The following LINGO1 variants were observed in gnomAD, a reference collection of about 807,000 sequenced individuals.
The protein encoded by LINGO1 is leucine rich repeat and Ig domain containing 1.
A neutral mutation model predicts 37.3 loss-of-function variants in LINGO1; 11 were observed. That is an observed-to-expected ratio of 0.29 (90% CI 0.19 to 0.49). The LOEUF (loss-of-function observed/expected upper bound fraction) is 0.49, where lower values mean the gene tolerates loss of function less well. LINGO1 is among the 20% of genes least tolerant of loss of function. The pLI is 0.99. For synonymous variants in LINGO1, 387 were observed against 403.0 expected, an observed-to-expected ratio of 0.96 and a Z score of 0.48; for missense variants, 585 against 878.2, an observed-to-expected ratio of 0.67 and a Z score of 4.22.
intron 1 of LINGO1, among the ~76,000 whole-genome samples, chr15:77,778,809 A>G (rs2076686861): frequency 6.6e-6 from 1 of 152,118 alleles, no homozygotes; most frequent in African/African-American, 2.4e-5. Context: ...CAGCCAGAGG[A>G]ATCCTTAAAA....
chr15:77,815,524 C>G (rs1195011671), intron 1 of LINGO1, among the ~76,000 whole-genome samples: 2 of 152,218 alleles, frequency 1.3e-5, no homozygotes. Flanking sequence ...CGGAGACAAA[C>G]AAATGTGTTC....
intron 1 of LINGO1, among the ~76,000 whole-genome samples, chr15:77,621,485 G>T (rs147273182): frequency 1.3e-5 from 2 of 152,210 alleles, no homozygotes; most frequent in Non-Finnish European, 2.9e-5. Flanking sequence ...AAAGCCAGAG[G>T]GGGGCAGAGC....
At chr15:77,653,521 T>C (rs2074805671) in intron 3 of LINGO1, among the ~76,000 whole-genome samples, 2 of 152,216 alleles carry the variant, frequency 1.3e-5, no homozygotes, top group African/African-American at 4.8e-5. Context: ...TGTAATTTGA[T>C]CTGGATCTTA....
intron 2 of LINGO1, among the ~76,000 whole-genome samples, chr15:77,705,205 A>ACACACACACACACACACC (rs1555532644): frequency 2.0e-4 from 29 of 145,428 alleles, no homozygotes; most frequent in Admixed American, 6.8e-4. Context: ...ACACACACAC[A>ACACACACACACACACACC]CCAGTCCACT....
chr15:77,764,449 A>G (rs1157826682), intron 1 of LINGO1, among the ~76,000 whole-genome samples: 1 of 152,234 alleles, frequency 6.6e-6, no homozygotes, highest in Non-Finnish European at 1.5e-5. Context: ...GCTGACAAAA[A>G]AACTGTTTCC....
intron 1 of LINGO1, among the ~76,000 whole-genome samples, chr15:77,624,581 TA>T (rs1297745313): frequency 6.6e-6 from 1 of 152,202 alleles, no homozygotes; most frequent in Non-Finnish European, 1.5e-5. Flanking sequence ...TCTTAGTGTT[TA>T]AAGGCTTCTA....
intron 1 of LINGO1, among the ~76,000 whole-genome samples, chr15:77,745,959 G>A (rs926863793): frequency 3.3e-5 from 5 of 151,934 alleles, no homozygotes; most frequent in African/African-American, 1.2e-4. Context: ...GCTGGGCACG[G>A]TGGCTCACAT....
At chr15:77,798,395 T>G (rs1429382760) in intron 1 of LINGO1, among the ~76,000 whole-genome samples, 1 of 152,350 alleles carries the variant, frequency 6.6e-6, no homozygotes, top group South Asian at 2.1e-4. Context: ...CCACCTGAGC[T>G]GGCAGGGTAA....
chr15:77,746,270 T>C (rs114258657), intron 1 of LINGO1, among the ~76,000 whole-genome samples: 2,582 of 151,574 alleles, frequency 0.017, 88 homozygotes, highest in African/African-American at 0.06. Context: ...ATAAACACTG[T>C]TGCCTGGGTA....
At chr15:77,623,266 G>C (rs1432734596) in intron 1 of LINGO1, among the ~76,000 whole-genome samples, 1 of 152,184 alleles carries the variant, frequency 6.6e-6, no homozygotes, top group African/African-American at 2.4e-5. Context: ...TCCACAAAGG[G>C]AACAGTGAGA....
intron 2 of LINGO1, among the ~76,000 whole-genome samples, chr15:77,689,601 G>A (rs546305500): frequency 2.0e-5 from 3 of 152,274 alleles, no homozygotes; most frequent in South Asian, 2.1e-4. Flanking sequence ...ACCTCCATGT[G>A]GGGGGTGGGA....
At chr15:77,742,118 G>A (rs1253340137) in intron 1 of LINGO1, among the ~76,000 whole-genome samples, 2 of 152,234 alleles carry the variant, frequency 1.3e-5, no homozygotes, top group African/African-American at 2.4e-5. Context: ...GCCAGGCAGA[G>A]GGGCCGCTCC....
rs143557952 is a variant in LINGO1, at chr15:77,649,211, G to A, written c.-13+27878C>T. The stretch of plus-strand genomic sequence containing the variant: ...AATGTGTTTTAATAGCCACACACAC[G>A]GTCATATAAATGGGAATGTTCTAGG... On this transcript the variant is annotated intron_variant, in intron 3 of 3. Coordinates refer to the LINGO1 transcript ENST00000559893. The A allele has an allele frequency of 1.3e-4, 20 of 152,308 alleles. No homozygotes were observed. The East Asian group carries it at 3.7e-3, about 28-fold the overall frequency. 9.4% of individuals were successfully genotyped at this position (152,308 alleles called of 1,614,324 possible). A position where few individuals can be genotyped will look rare whatever the true frequency, so the allele number is the denominator to read the frequency against.
At chr15:77,691,009 G>T (rs1845933800) in intron 1 of LINGO1, 1 of 152,272 alleles carries the variant, frequency 6.6e-6, no homozygotes, top group African/African-American at 2.4e-5. Flanking sequence ...GAGACCAAAG[G>T]AAGATCCCTG....
intron 1 of LINGO1, among the ~76,000 whole-genome samples, chr15:77,799,069 G>C (rs2076896290): frequency 6.6e-6 from 1 of 152,124 alleles, no homozygotes; most frequent in Non-Finnish European, 1.5e-5. Flanking sequence ...GTCCAACCAG[G>C]GTCAGGGTCA....
intron 1 of LINGO1, among the ~76,000 whole-genome samples, chr15:77,630,213 T>C (rs1444306124): frequency 6.7e-6 from 1 of 148,198 alleles, no homozygotes; most frequent in African/African-American, 2.5e-5. Context: ...TCCCCTACCC[T>C]CCACTGGACA....
chr15:77,733,310 C>G (rs1005967013), intron 2 of LINGO1, among the ~76,000 whole-genome samples: 2 of 152,222 alleles, frequency 1.3e-5, no homozygotes, highest in Non-Finnish European at 2.9e-5. Context: ...CCAGGAAGGA[C>G]GGACGTGCCC....
At chr15:77,668,592 T>A (rs1352634605) in intron 3 of LINGO1, among the ~76,000 whole-genome samples, 1 of 152,176 alleles carries the variant, frequency 6.6e-6, no homozygotes, top group African/African-American at 2.4e-5. Flanking sequence ...AAATGCACTT[T>A]ACGTGCCAGG....
intron 1 of LINGO1, among the ~76,000 whole-genome samples, chr15:77,750,845 G>C (rs2076363989): frequency 6.6e-6 from 1 of 152,230 alleles, no homozygotes; most frequent in Non-Finnish European, 1.5e-5. Flanking sequence ...CTACGTGTCA[G>C]GGCTTGGTAA....
Sources: allele counts gnomAD v4.1 joint callset (sites outside exome capture counted in the v4.1 genomes callset), GRCh38; gene constraint gnomAD v4.1.1; transcripts MANE v1.5; gene names NCBI Gene and HGNC (gene_info 2026-07-23, HGNC 2026-07-21).